CERS5: variants seen among roughly 807,000 people sequenced by gnomAD.
The protein encoded by CERS5 is ceramide synthase 5.
A neutral mutation model predicts 58.9 loss-of-function variants in CERS5; 37 were observed. That is an observed-to-expected ratio of 0.63 (90% CI 0.48 to 0.83). CERS5 has a LOEUF of 0.83. Among genes scored for constraint, CERS5 ranks in the 40% least tolerant of loss-of-function variants. The pLI is 0.00. For synonymous variants in CERS5, 147 were observed against 177.8 expected (o/e 0.83, Z 1.38); for missense variants, 398 against 489.3 (o/e 0.81, Z 1.76).
rs1402501914 is a variant in CERS5 at position 50,134,662 on chromosome 12, C to T, written c.913G>A (p.Gly305Arg). ...TTLFESWEII[G>R]PYASWWLLNG... ...AGGAGCCACCATGAAGCATAAGGCCCGATTATCTCCCAACTCTCAAAGAGG... is the reference window on the plus strand; with the variant it reads ...AGGAGCCACCATGAAGCATAAGGCCTGATTATCTCCCAACTCTCAAAGAGG... The change falls in exon 9 of 10, where the codon GGG becomes AGG. Residue 305 changes from glycine (G) to arginine (R), a missense_variant. Coordinates refer to ENST00000317551, the MANE Select transcript of CERS5 (RefSeq NM_147190.5). 4 of 1,614,036 alleles carry T rather than the reference C, an allele frequency of 2.5e-6. No individual in the cohort carries two copies. The highest frequency in any genetic ancestry group is 1.7e-5 in the Admixed American group (1 of 60,008).
At chr12:50,134,298 C>T (rs1354867150) in intron 9 of CERS5, 5 of 802,526 alleles carry the variant, frequency 6.2e-6, no homozygotes, top group Non-Finnish European at 7.1e-6. Flanking sequence ...AGAATCCAAG[C>T]CCAGGTGTGA....
Position 50,160,236 on chromosome 12 carries a change from C to T in CERS5, c.197+6865G>A, listed in dbSNP as rs1329880847. ...AGGAGAATCGCTTGAACCCAGGAGG[C>T]GGAGGTTGCAGTAAGCTGAGATTGT... On this transcript the variant is annotated intron_variant, in intron 1 of 9. Coordinates refer to ENST00000317551, the MANE Select transcript of CERS5 (RefSeq NM_147190.5). 5.5e-4 allele frequency among the ~76,000 whole-genome samples: 79 copies of T among 143,384 alleles called. 1 individual carries two copies. The highest frequency in any genetic ancestry group is 7.5e-5 in the Non-Finnish European group (5 of 66,768). 94.1% of individuals were successfully genotyped at this position (143,384 alleles called of 152,430 possible).
chr12:50,150,235 C>G (rs1937806898), intron 1 of CERS5, among the ~76,000 whole-genome samples: 1 of 152,166 alleles, frequency 6.6e-6, no homozygotes, highest in Non-Finnish European at 1.5e-5. Flanking sequence ...GTGGCATGTG[C>G]CCATGGTCCC....
In CERS5 at chr12:50,138,553, G is replaced by A. The variant is rs375281139; in HGVS notation, c.543+14C>T. On this transcript the variant is annotated intron_variant, in intron 5 of 9. Coordinates refer to ENST00000317551, the MANE Select transcript of CERS5 (RefSeq NM_147190.5). The stretch of plus-strand genomic sequence containing the variant: ...ACATTCAAGACCCCTATCCTGAAAC[G>A]ACTCAGATCCTACCTGAAATGGATA... The A allele has an allele frequency of 1.2e-5, 20 of 1,611,854 alleles. No homozygotes were observed. In the East Asian group the frequency reaches 2.9e-4, roughly 23 times the overall value.
intron 1 of CERS5, among the ~76,000 whole-genome samples, chr12:50,153,227 A>T (rs1449017564): frequency 2.0e-5 from 3 of 147,076 alleles, no homozygotes; most frequent in Non-Finnish European, 4.5e-5. Flanking sequence ...AATACTTAAG[A>T]CTTTTCTGAT....
At chr12:50,150,995 C>T (rs1389327322) in intron 1 of CERS5, among the ~76,000 whole-genome samples, 1 of 152,190 alleles carries the variant, frequency 6.6e-6, no homozygotes, top group Non-Finnish European at 1.5e-5. Context: ...CTTTACTGAT[C>T]AGAAATTTCA....
chr12:50,152,510 G>C (rs887796166), intron 1 of CERS5, among the ~76,000 whole-genome samples: 1 of 152,314 alleles, frequency 6.6e-6, no homozygotes, highest in East Asian at 1.9e-4. Context: ...AGGAGGCTGA[G>C]GCAAGCGGAT....
chr12:50,155,310 A>G (rs1041921788), intron 1 of CERS5, among the ~76,000 whole-genome samples: 1 of 152,164 alleles, frequency 6.6e-6, no homozygotes, highest in Non-Finnish European at 1.5e-5. Flanking sequence ...TATTCTTCTG[A>G]GTAAATTCTT....
At chr12:50,144,614 C>A (rs970681938) in intron 1 of CERS5, 5 of 439,162 alleles carry the variant, frequency 1.1e-5, no homozygotes, top group Admixed American at 3.7e-5. Flanking sequence ...TACCTTCCTG[C>A]CTAACCAAGA....
chr12:50,156,470 A>C, intron 1 of CERS5, among the ~76,000 whole-genome samples: 1 of 139,342 alleles, frequency 7.2e-6, no homozygotes, highest in African/African-American at 2.8e-5. Flanking sequence ...GGTGGCATGC[A>C]CCTCTGGTCC....
intron 1 of CERS5, among the ~76,000 whole-genome samples, chr12:50,159,380 A>G (rs1592437959): frequency 6.6e-6 from 1 of 152,312 alleles, no homozygotes; most frequent in East Asian, 1.9e-4. Flanking sequence ...TATTTCAGAA[A>G]ATAATTTACA....
Position 50,148,904 on chromosome 12 carries a change from CAAAA to C in CERS5, c.198-4851_198-4848del, listed in dbSNP as rs71083511. 3.9e-3 allele frequency among the ~76,000 whole-genome samples: 282 copies of C among 71,978 alleles called. 1 individual carries two copies. The highest frequency in any genetic ancestry group is 0.014 in the African/African-American group (233 of 16,414). The allele number at this position is 71,978 out of a possible 152,430, so 47.2% of individuals were successfully genotyped here. ...GGGGTGACGGAGCGAGACTCCATCT[CAAAA>C]AAAAAAAAAAAAAAAAAAAATATAT... On this transcript the variant is annotated intron_variant, in intron 1 of 9. Coordinates refer to ENST00000317551, the MANE Select transcript of CERS5 (RefSeq NM_147190.5).
intron 9 of CERS5, chr12:50,134,113 G>A: frequency 5.4e-6 from 1 of 186,656 alleles, no homozygotes. Flanking sequence ...TGGTGTGGTG[G>A]CTCACACCTG....
chr12:50,132,571 A>G (rs1001895138), intron 9 of CERS5, among the ~76,000 whole-genome samples: 1 of 152,198 alleles, frequency 6.6e-6, no homozygotes, highest in Non-Finnish European at 1.5e-5. Context: ...AGCTGTAACA[A>G]CTGTTGCCAA....
At chr12:50,140,839 A>ATT (rs200589306) in intron 4 of CERS5, among the ~76,000 whole-genome samples, 4,288 of 134,870 alleles carry the variant, frequency 0.032, 152 homozygotes, top group African/African-American at 0.075. Context: ...ACCCTTAGTG[A>ATT]TTTTTTTTTT....
chr12:50,162,850 C>T (rs7297864), intron 1 of CERS5, among the ~76,000 whole-genome samples: 49,265 of 151,878 alleles, frequency 0.32, 8,927 homozygotes, highest in East Asian at 0.76. Flanking sequence ...GTGATCCGCC[C>T]GTCTCAGCCT....
chr12:50,142,131 G>T, intron 3 of CERS5, 21 bp from the exon 4 acceptor site: 1 of 1,552,134 alleles, frequency 6.4e-7, no homozygotes, highest in Non-Finnish European at 8.9e-7. Context: ...AAAGAGTAAA[G>T]GTTAGACAAA....
At chr12:50,136,290 TG>T (rs1414190477) in intron 6 of CERS5, among the ~76,000 whole-genome samples, 7 of 151,952 alleles carry the variant, frequency 4.6e-5, no homozygotes, top group Non-Finnish European at 8.8e-5. Flanking sequence ...CTGGCCAACA[TG>T]GGGAAGCCCC....
intron 1 of CERS5, among the ~76,000 whole-genome samples, chr12:50,157,745 A>G (rs1938812036): frequency 1.3e-5 from 2 of 152,186 alleles, no homozygotes; most frequent in Admixed American, 1.3e-4. Context: ...AACCTGAAAC[A>G]ATAATTGACA....
Sources: gnomAD v4.1 joint callset for allele counts (sites outside exome capture counted in the v4.1 genomes callset) on GRCh38, gnomAD v4.1.1 for gene constraint, MANE v1.5 for transcripts, NCBI Gene and HGNC (gene_info 2026-07-23, HGNC 2026-07-21) for gene names.